The following CTNND2 variants were observed in gnomAD, a reference collection of about 807,000 sequenced individuals.
The protein encoded by CTNND2 is catenin delta-2.
In CTNND2, 22 loss-of-function variants were observed where a neutral mutation model predicts 144.4. The observed-to-expected ratio is 0.15, with a 90% CI of 0.11 to 0.22. The LOEUF (loss-of-function observed/expected upper bound fraction) is 0.22. Among genes scored for constraint, CTNND2 ranks in the 10% least tolerant of loss-of-function variants. CTNND2 has a pLI of 1.00. For missense variants in CTNND2, 1,353 were observed against 1,618.8 expected (o/e 0.84, Z 2.82); for synonymous variants, 751 against 695.6 (o/e 1.08, Z -1.25).
At chr5:11,675,780 G>A (rs1187218516) in intron 2 of CTNND2, among the ~76,000 whole-genome samples, 3 of 151,814 alleles carry the variant, frequency 2.0e-5, no homozygotes, top group African/African-American at 7.3e-5. Flanking sequence ...ATGTGTGTGT[G>A]GAGGCTTTGT....
chr5:11,214,983 G>A (rs1404206107), intron 10 of CTNND2, among the ~76,000 whole-genome samples: 2 of 152,144 alleles, frequency 1.3e-5, no homozygotes, highest in Non-Finnish European at 2.9e-5. Context: ...TCCTCACCCA[G>A]AGAGATGTCA....
chr5:11,105,791 A>G (rs761201356), intron 14 of CTNND2, among the ~76,000 whole-genome samples: 2 of 152,188 alleles, frequency 1.3e-5, no homozygotes, highest in Admixed American at 6.5e-5. Flanking sequence ...TTGCAGGCTC[A>G]TGAGATATGT....
chr5:11,332,130 C>T (rs1484684292), intron 9 of CTNND2, among the ~76,000 whole-genome samples: 2 of 152,080 alleles, frequency 1.3e-5, no homozygotes, highest in Admixed American at 1.3e-4. Flanking sequence ...ACAAAATTAG[C>T]TGGGTGTGGT....
intron 3 of CTNND2, among the ~76,000 whole-genome samples, chr5:11,427,109 T>C (rs1302540869): frequency 6.6e-6 from 1 of 152,136 alleles, no homozygotes; most frequent in Non-Finnish European, 1.5e-5. Flanking sequence ...CACAGATAAA[T>C]AGTAAAATCT....
At chr5:11,068,327 T>C (rs1747842711) in intron 16 of CTNND2, among the ~76,000 whole-genome samples, 4 of 152,222 alleles carry the variant, frequency 2.6e-5, no homozygotes. Context: ...GATTCCACCG[T>C]GCATCCAACT....
Position 11,586,980 on chromosome 5 carries a change from C to T in CTNND2, c.175-21924G>A, listed in dbSNP as rs372312234. On this transcript the variant is annotated intron_variant, in intron 2 of 21. Transcript: ENST00000304623. The stretch of plus-strand genomic sequence containing the variant: ...TGTTCAAATTTAAAATATTTATAGT[C>T]GGAAATATAAGGGAATGGGCAAACA... 1.1e-4 allele frequency among the ~76,000 whole-genome samples: 17 copies of T among 152,036 alleles called. No homozygotes were observed. In the East Asian group the frequency reaches 2.5e-3, roughly 22 times the overall value.
chr5:11,853,120 G>C (rs561630487), intron 1 of CTNND2, among the ~76,000 whole-genome samples: 3 of 152,222 alleles, frequency 2.0e-5, no homozygotes, highest in Admixed American at 6.5e-5. Flanking sequence ...CTTCTCACCA[G>C]GTCTCTTGTG....
intron 2 of CTNND2, among the ~76,000 whole-genome samples, chr5:11,589,641 CTAGCTATTATAG>C (rs1170756417): frequency 1.3e-5 from 2 of 152,160 alleles, no homozygotes; most frequent in African/African-American, 2.4e-5. Flanking sequence ...CCACCCACTC[CTAGCTATTATAG>C]TACCTCAAAC....
chr5:11,280,811 G>A (rs1286569233), intron 9 of CTNND2, among the ~76,000 whole-genome samples: 1 of 152,086 alleles, frequency 6.6e-6, no homozygotes, highest in African/African-American at 2.4e-5. Context: ...AAAGTTGCAT[G>A]CTACTCCAGC....
chr5:11,621,483 A>G (rs1780836096), intron 2 of CTNND2, among the ~76,000 whole-genome samples: 1 of 152,122 alleles, frequency 6.6e-6, no homozygotes, highest in African/African-American at 2.4e-5. Context: ...CACAGATTTA[A>G]CTTTGGAATT....
intron 1 of CTNND2, among the ~76,000 whole-genome samples, chr5:11,814,592 G>A (rs1441758082): frequency 3.3e-5 from 5 of 152,228 alleles, no homozygotes; most frequent in Non-Finnish European, 7.3e-5. Flanking sequence ...AGCTGCAAAG[G>A]GAAAGCCAGA....
At chr5:11,692,420 T>C (rs1784951048) in intron 2 of CTNND2, among the ~76,000 whole-genome samples, 1 of 152,214 alleles carries the variant, frequency 6.6e-6, no homozygotes, top group African/African-American at 2.4e-5. Flanking sequence ...GCTGTCTGTG[T>C]TTGGCTTTCT....
At chr5:11,712,374 A>C (rs1007752116) in intron 2 of CTNND2, among the ~76,000 whole-genome samples, 4 of 152,146 alleles carry the variant, frequency 2.6e-5, no homozygotes, top group African/African-American at 9.7e-5. Flanking sequence ...CCTCTCAGCA[A>C]CTTTCTTAGG....
chr5:11,304,990 G>A (rs1056917445), intron 9 of CTNND2, among the ~76,000 whole-genome samples: 3 of 152,060 alleles, frequency 2.0e-5, no homozygotes, highest in Non-Finnish European at 2.9e-5. Context: ...AATGCATCTC[G>A]GCATTGCATC....
At chr5:10,982,785 G>A (rs560625176) in intron 20 of CTNND2, among the ~76,000 whole-genome samples, 1 of 152,288 alleles carries the variant, frequency 6.6e-6, no homozygotes, top group South Asian at 2.1e-4. Context: ...AAGAAAATGT[G>A]GTATATGTAC....
At chr5:11,726,509 T>G (rs1192775741) in intron 2 of CTNND2, among the ~76,000 whole-genome samples, 2 of 152,208 alleles carry the variant, frequency 1.3e-5, no homozygotes, top group Non-Finnish European at 1.5e-5. Context: ...ATTTTTCCTA[T>G]CTAATGTTTT....
chr5:11,727,480 C>G (rs933865062), intron 2 of CTNND2, among the ~76,000 whole-genome samples: 1 of 152,268 alleles, frequency 6.6e-6, no homozygotes, highest in African/African-American at 2.4e-5. Context: ...ATTCCTAATA[C>G]AGCTGAGTTT....
intron 1 of CTNND2, among the ~76,000 whole-genome samples, chr5:11,754,121 T>A (rs1005141374): frequency 6.6e-6 from 1 of 151,580 alleles, no homozygotes; most frequent in African/African-American, 2.4e-5. Flanking sequence ...TTCAAATAAC[T>A]ACCTCCAAGA....
At chr5:11,879,398 T>C (rs1175070350) in intron 1 of CTNND2, among the ~76,000 whole-genome samples, 1 of 136,398 alleles carries the variant, frequency 7.3e-6, no homozygotes, top group Non-Finnish European at 1.6e-5. Flanking sequence ...CATACACATA[T>C]GCCTGTGCAT....
Sources: allele counts gnomAD v4.1 joint callset (sites outside exome capture counted in the v4.1 genomes callset), GRCh38; gene constraint gnomAD v4.1.1; transcripts MANE v1.5; gene names NCBI Gene and HGNC (gene_info 2026-07-23, HGNC 2026-07-21).